PDE4C: variants seen among roughly 807,000 people sequenced by gnomAD.
PDE4C encodes 3',5'-cyclic-AMP phosphodiesterase 4C.
PDE4C carries 50 observed loss-of-function variants against 63.9 expected under a neutral mutation model. The observed-to-expected ratio is 0.78, with a 90% CI of 0.62 to 0.99. PDE4C has a LOEUF of 0.99. Ranked by LOEUF, PDE4C falls within the 50% of genes least tolerant of loss-of-function variation. The pLI is 0.00. For missense variants in PDE4C, 777 were observed against 899.1 expected, an observed-to-expected ratio of 0.86 and a Z score of 1.74; for synonymous variants, 377 against 385.1, an observed-to-expected ratio of 0.98 and a Z score of 0.25.
At chr19:18,223,559 T>G (rs1414247540) in intron 1 of PDE4C, among the ~76,000 whole-genome samples, 1 of 152,132 alleles carries the variant, frequency 6.6e-6, no homozygotes, top group Non-Finnish European at 1.5e-5. Flanking sequence ...TTGGCCAGGC[T>G]GCTCTTGAAC....
intron 7 of PDE4C, 97 bp from the exon 8 acceptor site, chr19:18,219,494 T>A: frequency 1.5e-6 from 2 of 1,370,262 alleles, no homozygotes; most frequent in Non-Finnish European, 2.0e-6. Flanking sequence ...AATCAACCTA[T>A]TTCCCTTTCT....
intron 1 of PDE4C, among the ~76,000 whole-genome samples, chr19:18,240,311 T>C (rs271835): frequency 0.75 from 113,822 of 150,786 alleles, 44,070 homozygotes; most frequent in African/African-American, 0.93. Flanking sequence ...GCCTGTAGTT[T>C]CAGCTCCCAA....
chr19:18,221,058 C>CCCCCCCCCCCCCCCCCCAA, intron 4 of PDE4C, 47 bp downstream of exon 4: 1 of 1,221,608 alleles, frequency 8.2e-7, no homozygotes, highest in Non-Finnish European at 1.2e-6. Flanking sequence ...TTCCGCCCAC[C>CCCCCCCCCCCCCCCCCCAA]TTGTCTCTGC....
chr19:18,231,633 C>G (rs1968850353), intron 1 of PDE4C, among the ~76,000 whole-genome samples: 2 of 152,096 alleles, frequency 1.3e-5, no homozygotes, highest in Admixed American at 6.5e-5. Context: ...GCAAGAAAGC[C>G]AAGCTCCAGA....
chr19:18,210,786 C>T lies in PDE4C; in HGVS notation c.*143G>A, dbSNP rs190418960. On this transcript the variant is annotated 3_prime_UTR_variant, in exon 15 of 15. Coordinates refer to ENST00000262805, the Ensembl canonical transcript of PDE4C. Reference sequence around the variant, plus strand: ...CCTCCAATTAGACCCTGGGAGCCACCTATAACTAAGAGCTTGATTGTCTCC... The same window carrying T: ...CCTCCAATTAGACCCTGGGAGCCACTTATAACTAAGAGCTTGATTGTCTCC... 8.8e-5 allele frequency: 124 copies of T among 1,403,312 alleles called. 1 individual carries two copies. The East Asian group carries it at 2.8e-3, about 31-fold the overall frequency. 86.9% of individuals were successfully genotyped at this position (1,403,312 alleles called of 1,614,324 possible).
At position 18,218,913 on chromosome 19, in the gene PDE4C, C is replaced by G. The variant is rs757955747; in HGVS notation, c.969+27G>C. 19 of 1,555,222 alleles carry G rather than the reference C, an allele frequency of 1.2e-5. No homozygotes were observed. The African/African-American group carries it at 2.6e-4, about 21-fold the overall frequency. On this transcript the variant is annotated intron_variant, in intron 9 of 14. Coordinates refer to ENST00000262805, the Ensembl canonical transcript of PDE4C. ...GTGAGGGAAACCCCAGGAGTTTTTC[C>G]TTGGAAGCCAAGGGCAGGGTAGGTA...
upstream of PDE4C, among the ~76,000 whole-genome samples, chr19:18,229,119 TTTTTG>T (rs1298922313): frequency 2.5e-4 from 30 of 118,800 alleles, no homozygotes; most frequent in Admixed American, 6.8e-4. Flanking sequence ...TTTTTTTTTT[TTTTTG>T]TATTTAGTAG....
chr19:18,232,275 A>T (rs1330314027), intron 1 of PDE4C, among the ~76,000 whole-genome samples: 3 of 151,914 alleles, frequency 2.0e-5, no homozygotes, highest in Non-Finnish European at 4.4e-5. Context: ...AGGTGGGAGG[A>T]TCGCTTGAGC....
At chr19:18,212,131 C>T (rs1487224781) in intron 13 of PDE4C, among the ~76,000 whole-genome samples, 190 bp from the exon 14 acceptor site, 4 of 151,810 alleles carry the variant, frequency 2.6e-5, no homozygotes, top group South Asian at 2.1e-4. Context: ...GGCATCCAGT[C>T]GGCACTTCAT....
chr19:18,212,291 C>A (rs974823361), intron 13 of PDE4C, among the ~76,000 whole-genome samples: 2 of 151,566 alleles, frequency 1.3e-5, no homozygotes, highest in Admixed American at 6.6e-5. Flanking sequence ...TCAAATGATC[C>A]TCCCAGCCCA....
chr19:18,216,896 C>G lies in PDE4C; in HGVS notation c.1235-1G>C. 1.9e-6 allele frequency: 3 copies of G among 1,609,022 alleles called. No homozygotes were observed. Among genetic ancestry groups the G allele is most frequent in the Non-Finnish European group, 2.5e-6 (3 of 1,177,208 alleles). On this transcript the variant is annotated splice_acceptor_variant, in intron 11 of 14. Coordinates refer to ENST00000262805, the Ensembl canonical transcript of PDE4C. LOFTEE classifies it high-confidence loss of function. Reference sequence around the variant, plus strand: ...TTGTACATAAGCGCCAGCTCTGAGTCTGTGAGGGTATGGGACTGAGAGCCC... The same window carrying G: ...TTGTACATAAGCGCCAGCTCTGAGTGTGTGAGGGTATGGGACTGAGAGCCC...
intron 1 of PDE4C, chr19:18,224,322 AGGGCC>A: frequency 1.0e-6 from 1 of 985,344 alleles, no homozygotes; most frequent in East Asian, 1.1e-4. Context: ...CTCCCGGCCG[AGGGCC>A]AGTGTCCGGC....
chr19:18,239,312 C>G (rs887984908), intron 1 of PDE4C, among the ~76,000 whole-genome samples: 1 of 152,180 alleles, frequency 6.6e-6, no homozygotes, highest in African/African-American at 2.4e-5. Flanking sequence ...TGTTTCCAAG[C>G]AGGCTCTGGG....
upstream of PDE4C, among the ~76,000 whole-genome samples, chr19:18,229,192 A>G (rs1968800374): frequency 7.0e-6 from 1 of 142,688 alleles, no homozygotes; most frequent in African/African-American, 2.6e-5. Context: ...TCAGGTGATC[A>G]CCTGCCTCAG....
At chr19:18,253,649 A>G in the PDE4C span, among the ~76,000 whole-genome samples, 1 of 152,166 alleles carries the variant, frequency 6.6e-6, no homozygotes, top group Non-Finnish European at 1.5e-5. Context: ...AGAGAGGATC[A>G]GCCCTAATTT....
chr19:18,230,717 C>A (rs955059848), upstream of PDE4C, among the ~76,000 whole-genome samples: 2 of 152,102 alleles, frequency 1.3e-5, no homozygotes, highest in African/African-American at 2.4e-5. Context: ...GTCACTTCTC[C>A]CAAGCAGTCC....
chr19:18,248,750 C>T (rs971700454), upstream of PDE4C, among the ~76,000 whole-genome samples: 6 of 151,988 alleles, frequency 3.9e-5, no homozygotes, highest in Admixed American at 1.3e-4. Context: ...ATTGGCTGGG[C>T]GCGGTGGCTC....
upstream of PDE4C, chr19:18,251,973 G>A (rs1191795016): frequency 1.0e-5 from 4 of 397,774 alleles, no homozygotes; most frequent in East Asian, 1.4e-4. Context: ...AGCATTCTCG[G>A]GGCTGTACCT....
chr19:18,232,824 G>C, intron 1 of PDE4C: 1 of 1,145,978 alleles, frequency 8.7e-7, no homozygotes, highest in Non-Finnish European at 1.2e-6. Flanking sequence ...TTTCCTTCCA[G>C]GCGCCAGCCT....
Sources: gnomAD v4.1 joint callset for allele counts (sites outside exome capture counted in the v4.1 genomes callset) on GRCh38, gnomAD v4.1.1 for gene constraint, MANE v1.5 for transcripts, NCBI Gene and HGNC (gene_info 2026-07-23, HGNC 2026-07-21) for gene names.